The following BROX variants were observed in gnomAD, a reference collection of about 807,000 sequenced individuals.
BROX encodes BRO1 domain-containing protein BROX.
In BROX, 53 loss-of-function variants were observed where a neutral mutation model predicts 61.0. The observed-to-expected ratio is 0.87, with a 90% CI of 0.70 to 1.09. The LOEUF (loss-of-function observed/expected upper bound fraction) is 1.09. BROX is among the 50% of genes least tolerant of loss of function. The probability of loss-of-function intolerance (pLI) is 0.00; values close to 1 mark genes in which losing one functional copy is unlikely to be tolerated. For missense variants in BROX, 489 were observed against 472.0 expected, an observed-to-expected ratio of 1.04 and a Z score of -0.33; for synonymous variants, 152 against 160.2, an observed-to-expected ratio of 0.95 and a Z score of 0.38.
At chr1:222,726,694 T>TCAA (rs1480635852) in intron 7 of BROX, among the ~76,000 whole-genome samples, 1 of 149,256 alleles carries the variant, frequency 6.7e-6, no homozygotes, top group Non-Finnish European at 1.5e-5. Context: ...TCTAGCGTGG[T>TCAA]CAACAAGAGT....
intron 7 of BROX, among the ~76,000 whole-genome samples, chr1:222,726,139 A>G (rs574718830): frequency 6.6e-6 from 1 of 152,298 alleles, no homozygotes; most frequent in East Asian, 1.9e-4. Flanking sequence ...TACTGTGCTC[A>G]TTCTTTTTTC....
Position 222,731,514 on chromosome 1 carries a change from A to G in BROX, c.1147A>G (p.Ser383Gly). The G allele has an allele frequency of 6.3e-7, 1 of 1,578,592 alleles. No individual in the cohort carries two copies. Among genetic ancestry groups the G allele is most frequent in the Non-Finnish European group, 8.5e-7 (1 of 1,170,974 alleles). Residue 383 changes from serine (S) to glycine (G), a missense_variant and splice_region_variant, in exon 12 of 13, where the codon AGT (serine) becomes GGT (glycine). Physicochemically the swap from Ser to Gly is moderately conservative, Grantham distance 56 (BLOSUM62 0). Transcript: ENST00000340934. Reference sequence around the variant, plus strand: ...TCTCACCAAAAGACCCAAGGATGACAGTGTATGAGATTGTTTTTTTTTTTC... The same window carrying G: ...TCTCACCAAAAGACCCAAGGATGACGGTGTATGAGATTGTTTTTTTTTTTC... The part of the protein sequence containing the change: ...FDLTKRPKDD[S>G]TKPKPEEEVK...
chr1:222,733,187 T>A lies in BROX; in HGVS notation c.*473T>A, dbSNP rs1399962242. 6.6e-6 allele frequency: 1 copy of A among 151,954 alleles called. No homozygotes were observed. Among genetic ancestry groups the A allele is most frequent in the Non-Finnish European group, 1.5e-5 (1 of 68,524 alleles). The allele number at this position is 151,954 out of a possible 1,614,324, so 9.4% of individuals were successfully genotyped here. ...CCTCCACCTCCTGAATTAAAGTGATTCTCCTGCCTCAGCCTCCCGAGTAGC... is the reference window on the plus strand; with the variant it reads ...CCTCCACCTCCTGAATTAAAGTGATACTCCTGCCTCAGCCTCCCGAGTAGC... On this transcript the variant is annotated 3_prime_UTR_variant, in exon 13 of 13. Coordinates refer to ENST00000340934, the MANE Select transcript of BROX (RefSeq NM_144695.4).
intron 12 of BROX, among the ~76,000 whole-genome samples, chr1:222,732,210 TC>T (rs1018694298): frequency 8.5e-5 from 13 of 152,102 alleles, no homozygotes; most frequent in African/African-American, 2.4e-4. Flanking sequence ...AGGGTTCTTT[TC>T]TTAATTATTA....
chr1:222,719,898 A>C lies in BROX; in HGVS notation c.305+539A>C, dbSNP rs542185380. On this transcript the variant is annotated intron_variant, in intron 4 of 12. Transcript: ENST00000340934. Reference sequence around the variant, plus strand: ...GAAACTATTTGTAATAGATCTAATTATAACGAAACAGATCACAATGGTGTT... The same window carrying C: ...GAAACTATTTGTAATAGATCTAATTCTAACGAAACAGATCACAATGGTGTT... Among the ~76,000 whole-genome samples, 6 of 152,336 alleles carry C rather than the reference A, an allele frequency of 3.9e-5. No homozygotes were observed. In the South Asian group the frequency reaches 1.2e-3, roughly 32 times the overall value.
At chr1:222,723,466 TC>T (rs1657255617) in intron 5 of BROX, among the ~76,000 whole-genome samples, 1 of 152,266 alleles carries the variant, frequency 6.6e-6, no homozygotes, top group Admixed American at 6.5e-5. Context: ...AGTTAGGGTC[TC>T]TTTTTTTTCA....
rs182462420 is a variant in BROX, at chr1:222,725,000, T to G, written c.475-450T>G. On this transcript the variant is annotated intron_variant, in intron 6 of 12. Transcript: ENST00000340934. ...AGTAGAGACGGGATTTCACCATGTTTGCCAGGCTGGTCTCAAACTCCTGAC... is the reference window on the plus strand; with the variant it reads ...AGTAGAGACGGGATTTCACCATGTTGGCCAGGCTGGTCTCAAACTCCTGAC... Among the ~76,000 whole-genome samples, 226 of 152,144 alleles carry G rather than the reference T, an allele frequency of 1.5e-3. 6 individuals carry two copies. In the South Asian group the frequency reaches 0.021, roughly 14 times the overall value.
rs1658181057 is a variant in BROX, at chr1:222,734,818, G to A, written c.*2104G>A. ...CTAAATTTTCACATTGACATTTTTG[G>A]GGATGATACTACCATATACGAAATG... On this transcript the variant is annotated 3_prime_UTR_variant, in exon 13 of 13. Transcript: ENST00000340934. 6.6e-6 allele frequency: 1 copy of A among 152,078 alleles called. No homozygotes were observed. Among genetic ancestry groups the A allele is most frequent in the Non-Finnish European group, 1.5e-5 (1 of 68,006 alleles). The allele number at this position is 152,078 out of a possible 1,614,324, so 9.4% of individuals were successfully genotyped here.
chr1:222,730,005 T>C, intron 10 of BROX, 22 bp from the exon 11 acceptor site: 1 of 1,585,510 alleles, frequency 6.3e-7, no homozygotes, highest in Non-Finnish European at 8.5e-7. Flanking sequence ...ATCAAAAGAC[T>C]TTAAATCTCT....
In BROX at chr1:222,727,277, G is replaced by A. The variant is rs374393564; in HGVS notation, c.670+20G>A. 261 of 1,550,964 alleles carry A rather than the reference G, an allele frequency of 1.7e-4. No homozygotes were observed. Among genetic ancestry groups the A allele is most frequent in the Middle Eastern group, 1.7e-4 (1 of 5,864 alleles). ...AAGCTGGTAAGCTTCTAATTCTGTCGTTACATTTTTAGTCTTTAGATTTTC... is the reference window on the plus strand; with the variant it reads ...AAGCTGGTAAGCTTCTAATTCTGTCATTACATTTTTAGTCTTTAGATTTTC... On this transcript the variant is annotated intron_variant, in intron 8 of 12. Coordinates refer to ENST00000340934, the MANE Select transcript of BROX (RefSeq NM_144695.4).
intron 2 of BROX, chr1:222,718,113 G>A (rs1400813870): frequency 6.6e-6 from 1 of 152,050 alleles, no homozygotes; most frequent in African/African-American, 2.4e-5. Context: ...TCAAAAGAGA[G>A]AAAACCAGAA....
chr1:222,724,353 T>C (rs1657341261), intron 6 of BROX, among the ~76,000 whole-genome samples, 189 bp downstream of exon 6: 1 of 152,258 alleles, frequency 6.6e-6, no homozygotes, highest in Admixed American at 6.5e-5. Context: ...TGTCTCCATT[T>C]TTGTTTTAAA....
At chr1:222,731,152 C>T (rs897615144) in intron 11 of BROX, among the ~76,000 whole-genome samples, 1 of 152,176 alleles carries the variant, frequency 6.6e-6, no homozygotes, top group African/African-American at 2.4e-5. Context: ...TGTCTGCATT[C>T]TCATGGCACT....
intron 9 of BROX, 59 bp downstream of exon 9, chr1:222,728,887 C>T: frequency 8.1e-7 from 1 of 1,238,860 alleles, no homozygotes; most frequent in Non-Finnish European, 1.1e-6. Flanking sequence ...CCTTGGAGTG[C>T]CAGGTCTCTC....
chr1:222,720,064 T>G (rs1285448356), intron 4 of BROX, among the ~76,000 whole-genome samples: 3 of 152,166 alleles, frequency 2.0e-5, no homozygotes, highest in African/African-American at 7.2e-5. Flanking sequence ...CAGAGCAGAC[T>G]GTACATTACA....
At chr1:222,714,353 C>T (rs1368406434) in intron 1 of BROX, among the ~76,000 whole-genome samples, 1 of 151,732 alleles carries the variant, frequency 6.6e-6, no homozygotes, top group Admixed American at 6.6e-5. Flanking sequence ...CAGGCGACCG[C>T]CACCATGCCC....
intron 4 of BROX, among the ~76,000 whole-genome samples, chr1:222,721,107 G>A (rs1252926324): frequency 6.6e-6 from 1 of 152,186 alleles, no homozygotes; most frequent in African/African-American, 2.4e-5. Flanking sequence ...TAAAGGAAAA[G>A]AGTTACTCAT....
At chr1:222,718,367 T>G (rs1656795659) in intron 2 of BROX, among the ~76,000 whole-genome samples, 1 of 152,180 alleles carries the variant, frequency 6.6e-6, no homozygotes, top group Admixed American at 6.5e-5. Context: ...ATATTCTTGA[T>G]GTATATGTTG....
intron 9 of BROX, 138 bp from the exon 10 acceptor site, chr1:222,729,482 G>T: frequency 1.9e-6 from 1 of 526,974 alleles, no homozygotes; most frequent in Non-Finnish European, 3.3e-6. Context: ...AACAAAGGTT[G>T]GGGAAGAGCT....
Sources: gnomAD v4.1 joint callset for allele counts (sites outside exome capture counted in the v4.1 genomes callset) on GRCh38, gnomAD v4.1.1 for gene constraint, MANE v1.5 for transcripts, NCBI Gene and HGNC (gene_info 2026-07-23, HGNC 2026-07-21) for gene names.